CCAR2: variants seen among roughly 807,000 people sequenced by gnomAD.
The protein encoded by CCAR2 is cell cycle and apoptosis regulator 2, also known as cell cycle and apoptosis regulator protein 2.
CCAR2 carries 21 observed loss-of-function variants against 108.1 expected under a neutral mutation model. That is an observed-to-expected ratio of 0.19 (90% confidence interval 0.14 to 0.28). The LOEUF (loss-of-function observed/expected upper bound fraction) is 0.28. CCAR2 is among the 10% of genes least tolerant of loss of function. The probability of loss-of-function intolerance (pLI) is 1.00; values close to 1 mark genes in which losing one functional copy is unlikely to be tolerated. For synonymous variants in CCAR2, 577 were observed against 472.8 expected (o/e 1.22, Z -2.86); for missense variants, 1,126 against 1,177.0 (o/e 0.96, Z 0.63).
chr8:22,619,509 C>T, intron 20 of CCAR2, 129 bp from the exon 21 acceptor site: 1 of 1,405,946 alleles, frequency 7.1e-7, no homozygotes, highest in Non-Finnish European at 9.8e-7. Flanking sequence ...CCCCTGGTTG[C>T]AGGTTCTCTG....
chr8:22,614,069 A>C (rs200102554), intron 8 of CCAR2, 23 bp from the exon 9 acceptor site: 59 of 1,600,822 alleles, frequency 3.7e-5, no homozygotes, highest in Non-Finnish European at 4.6e-5. Context: ...CTCAGTCTGG[A>C]TTCCCTTGCT....
At chr8:22,611,943 CTCTT>C (rs770338435) in intron 7 of CCAR2, among the ~76,000 whole-genome samples, 37 of 143,288 alleles carry the variant, frequency 2.6e-4, no homozygotes, top group Admixed American at 3.3e-4. Flanking sequence ...GTAACTGTCT[CTCTT>C]TTTTTTTTTT....
Position 22,606,811 on chromosome 8 carries a change from G to C in CCAR2, c.243-99G>C, listed in dbSNP as rs188533096. 2.1e-5 allele frequency: 32 copies of C among 1,488,916 alleles called. No homozygotes were observed. In the East Asian group the frequency reaches 6.8e-4, roughly 32 times the overall value. The allele number at this position is 1,488,916 out of a possible 1,614,324, so 92.2% of individuals were successfully genotyped here. ...CATTGCTTTGCTGTTTTTGTGCAAG[G>C]TGTGGGAAATCTTGATGGGAAAGGC... On this transcript the variant is annotated intron_variant, in intron 4 of 20. Transcript: ENST00000308511.
rs114056123 is a variant in CCAR2, at chr8:22,614,344, G to C, written c.927+30G>C. On this transcript the variant is annotated intron_variant, in intron 9 of 20. Transcript: ENST00000308511. ...GCTGACAGGCGTCTCTCACTTATCT[G>C]ATTTCTGGAGGCTGAAGGCAGCTCT... 2.9e-4 allele frequency: 473 copies of C among 1,613,938 alleles called. No homozygotes were observed. The African/African-American group carries it at 5.9e-3, about 20-fold the overall frequency.
At chr8:22,616,864 TGC>T (rs1416176686) in intron 14 of CCAR2, among the ~76,000 whole-genome samples, 2 of 120,364 alleles carry the variant, frequency 1.7e-5, no homozygotes, top group African/African-American at 3.0e-5. Flanking sequence ...AATACTAGTC[TGC>T]TTTTTTTTTT....
rs77959328 is a variant in CCAR2 at position 22,614,333 on chromosome 8, C to G, written c.927+19C>G. The G allele has an allele frequency of 9.9e-6, 16 of 1,613,866 alleles. 2 individuals are homozygous for G. The South Asian group carries it at 1.5e-4, about 16-fold the overall frequency. On this transcript the variant is annotated intron_variant, in intron 9 of 20. Coordinates refer to ENST00000308511, the MANE Select transcript of CCAR2 (RefSeq NM_001393997.1). Reference sequence around the variant, plus strand: ...TTCGAAGGTAAGCTGACAGGCGTCTCTCACTTATCTGATTTCTGGAGGCTG... The same window carrying G: ...TTCGAAGGTAAGCTGACAGGCGTCTGTCACTTATCTGATTTCTGGAGGCTG...
chr8:22,614,644 G>A lies in CCAR2; in HGVS notation c.1041+141G>A, dbSNP rs377709460. 8.5e-5 allele frequency: 88 copies of A among 1,037,428 alleles called. 1 individual carries two copies. In the East Asian group the frequency reaches 1.2e-3, roughly 14 times the overall value. The allele number at this position is 1,037,428 out of a possible 1,614,324, so 64.3% of individuals were successfully genotyped here. A position where few individuals can be genotyped will look rare whatever the true frequency, so the allele number is the denominator to read the frequency against. ...CACCCCTCATTTCACCCAGGAGGAA[G>A]GTGCAGCTCAGAGCTGTTACGACTA... On this transcript the variant is annotated intron_variant, in intron 10 of 20. Coordinates refer to ENST00000308511, the MANE Select transcript of CCAR2 (RefSeq NM_001393997.1).
rs200083666 is a variant in CCAR2, at chr8:22,614,858, A to G, written c.1062A>G (p.Glu354=). ...TGCAGTTTTTGCTGGGCAGGAAAGAAGAGGAGGCAGTGCTGGTTGGGGGTG... is the reference window on the plus strand; with the variant it reads ...TGCAGTTTTTGCTGGGCAGGAAAGAGGAGGAGGCAGTGCTGGTTGGGGGTG... ...KQIKFLLGRK[E]EEAVLVGGEW... is the part of the protein sequence containing the mutation. Residue 354 remains glutamate, a synonymous_variant, in exon 11 of 21, where the codon GAA becomes GAG. Coordinates refer to ENST00000308511, the MANE Select transcript of CCAR2 (RefSeq NM_001393997.1). The G allele has an allele frequency of 1.7e-5, 28 of 1,614,070 alleles. No homozygotes were observed. The highest frequency in any genetic ancestry group is 8.0e-5 in the African/African-American group (6 of 75,082).
rs1022792961 is a variant in CCAR2, at chr8:22,617,464, GGAA to G, written c.1897_1899del (p.Glu633del). The G allele has an allele frequency of 4.4e-6, 7 of 1,600,452 alleles. No individual in the cohort carries two copies. Among genetic ancestry groups the G allele is most frequent in the African/African-American group, 2.7e-5 (2 of 74,162 alleles). On this transcript the variant is annotated inframe_deletion, in exon 15 of 21. Transcript: ENST00000308511. Reference sequence around the variant, plus strand: ...CCAAACCACTCTCTTCTGGGGGAGAGGAAGAAGAAAAACCCCGGGGCGAGGCTT... The same window carrying G: ...CCAAACCACTCTCTTCTGGGGGAGAGGAAGAAAAACCCCGGGGCGAGGCTT...
At chr8:22,611,422 G>GTGTGTGTATA (rs1331893929) in intron 7 of CCAR2, among the ~76,000 whole-genome samples, 24 of 141,986 alleles carry the variant, frequency 1.7e-4, no homozygotes, top group African/African-American at 6.4e-4. Flanking sequence ...GTGTATATAT[G>GTGTGTGTATA]TGTGTATATA....
rs17060940 is a variant in CCAR2 at position 22,614,831 on chromosome 8, C to T, written c.1042-7C>T. The T allele has an allele frequency of 0.051, 82,250 of 1,613,248 alleles. 5,904 individuals are homozygous for T. The highest frequency in any genetic ancestry group is 0.34 in the African/African-American group (25,545 of 74,892). ...TTTTGTTTTGTATCCCTGATCTCTTCTTGCAGTTTTTGCTGGGCAGGAAAG... is the reference window on the plus strand; with the variant it reads ...TTTTGTTTTGTATCCCTGATCTCTTTTTGCAGTTTTTGCTGGGCAGGAAAG... On this transcript the variant is annotated splice_polypyrimidine_tract_variant and splice_region_variant and intron_variant, in intron 10 of 20. Coordinates refer to ENST00000308511, the MANE Select transcript of CCAR2 (RefSeq NM_001393997.1).
Position 22,615,463 on chromosome 8 carries a change from C to A in CCAR2, c.1244C>A (p.Pro415His), listed in dbSNP as rs765095345. 6.2e-7 allele frequency: 1 copy of A among 1,613,782 alleles called. No individual in the cohort carries two copies. Among genetic ancestry groups the A allele is most frequent in the East Asian group, 2.2e-5 (1 of 44,888 alleles). The change falls in exon 12 of 21, where the codon CCC (proline) becomes CAC (histidine). Residue 415 changes from proline to histidine, a missense_variant. Transcript: ENST00000308511. ...GAGTTTCAGTACCTGCAGCCGGGAC[C>A]CCCCCGGCGGCTTCAGACAGTGGTG... ...FAEFQYLQPGPPRRLQTVVVY... is the reference protein window; with the variant it reads ...FAEFQYLQPGHPRRLQTVVVY...
At chr8:22,609,709 C>T (rs922651285) in intron 7 of CCAR2, among the ~76,000 whole-genome samples, 11 of 151,924 alleles carry the variant, frequency 7.2e-5, no homozygotes, top group Non-Finnish European at 1.3e-4. Context: ...CAGCAGGTGC[C>T]TTCTGAGACG....
chr8:22,615,674 T>C lies in CCAR2; in HGVS notation c.1378-8T>C. On this transcript the variant is annotated splice_region_variant and splice_polypyrimidine_tract_variant and intron_variant, in intron 12 of 20. Transcript: ENST00000308511. ...ACCCAGAGGGTCTCATTTCAGCTGTTGTCACAGGAAACGGAGCCTACTGAA... is the reference window on the plus strand; with the variant it reads ...ACCCAGAGGGTCTCATTTCAGCTGTCGTCACAGGAAACGGAGCCTACTGAA... 6.2e-7 allele frequency: 1 copy of C among 1,613,810 alleles called. No homozygotes were observed. The highest frequency in any genetic ancestry group is 8.5e-7 in the Non-Finnish European group (1 of 1,180,006).
At position 22,614,380 on chromosome 8, in the gene CCAR2, T is replaced by TC; in HGVS notation, c.928-8dup. 6.2e-7 allele frequency: 1 copy of TC among 1,614,046 alleles called. No individual in the cohort carries two copies. Among genetic ancestry groups the TC allele is most frequent in the Non-Finnish European group, 8.5e-7 (1 of 1,179,886 alleles). On this transcript the variant is annotated splice_polypyrimidine_tract_variant and intron_variant, in intron 9 of 20. Transcript: ENST00000308511. The stretch of plus-strand genomic sequence containing the variant: ...GCTGAAGGCAGCTCTGAGTGTCTCC[T>TC]CCTGCACAGGTACTGCTGCTCTCTT...
At position 22,619,640 on chromosome 8, in the gene CCAR2, T is replaced by C. The variant is rs201093949; in HGVS notation, c.2730T>C (p.Ala910=). The C allele has an allele frequency of 3.8e-6, 6 of 1,572,778 alleles. No individual in the cohort carries two copies. The highest frequency in any genetic ancestry group is 5.2e-6 in the Non-Finnish European group (6 of 1,158,460). Reference sequence around the variant, plus strand: ...GGTACATCATCTGTTTCAAACAGGCTGACAGCTGGGTGGAGAAGGAGGAGC... The same window carrying C: ...GGTACATCATCTGTTTCAAACAGGCCGACAGCTGGGTGGAGAAGGAGGAGC... ...QLEIQRVVEK[A]DSWVEKEEPA... The change falls in exon 21 of 21, where the codon GCT becomes GCC. Residue 910 remains alanine (A), a splice_region_variant and synonymous_variant. Transcript: ENST00000308511.
At chr8:22,609,369 C>G (rs1408479728) in intron 7 of CCAR2, among the ~76,000 whole-genome samples, 1 of 152,134 alleles carries the variant, frequency 6.6e-6, no homozygotes, top group African/African-American at 2.4e-5. Flanking sequence ...CCAGGCTGGT[C>G]TCGAACTCCT....
chr8:22,617,810 AGTG>A (rs1801586758), intron 16 of CCAR2, 32 bp downstream of exon 16: 1 of 1,608,316 alleles, frequency 6.2e-7, no homozygotes, highest in Admixed American at 1.7e-5. Flanking sequence ...TCTGGGTCTC[AGTG>A]GTGGTGAGGC....
intron 7 of CCAR2, among the ~76,000 whole-genome samples, chr8:22,608,285 A>G (rs1466689612): frequency 4.6e-5 from 7 of 152,180 alleles, no homozygotes; most frequent in Admixed American, 3.9e-4. Flanking sequence ...TTGGAATTTT[A>G]TACAGTGGTT....
Sources: allele counts gnomAD v4.1 joint callset (sites outside exome capture counted in the v4.1 genomes callset), GRCh38; gene constraint gnomAD v4.1.1; transcripts MANE v1.5; gene names NCBI Gene and HGNC (gene_info 2026-07-23, HGNC 2026-07-21).